The following ANKHD1 variants were observed in gnomAD, a reference collection of about 807,000 sequenced individuals.
ANKHD1 encodes the protein ankyrin repeat and KH domain-containing protein 1.
ANKHD1 carries 31 observed loss-of-function variants against 230.5 expected under a neutral mutation model. The observed-to-expected ratio is 0.13, with a 90% confidence interval of 0.10 to 0.18. ANKHD1 has a LOEUF of 0.18. Ranked by LOEUF, ANKHD1 falls within the 10% of genes least tolerant of loss-of-function variation. The pLI is 1.00. For missense variants in ANKHD1, 2,256 were observed against 3,071.3 expected (o/e 0.73, Z 6.27); for synonymous variants, 1,074 against 1,117.6 (o/e 0.96, Z 0.78).
rs186413383 is a variant in ANKHD1 at position 140,450,820 on chromosome 5, A to T, written c.1242+1515A>T. Among the ~76,000 whole-genome samples the T allele has an allele frequency of 1.1e-3, 174 of 152,040 alleles. 2 individuals are homozygous for T. Among genetic ancestry groups the T allele is most frequent in the African/African-American group, 3.9e-3 (163 of 41,480 alleles). ...TTTGTTGGAATTCCCCTCTTAATAT[A>T]TGTATGCAAGATATGTTAGCAGAAT... On this transcript the variant is annotated intron_variant, in intron 7 of 33. Coordinates refer to ENST00000360839, the MANE Select transcript of ANKHD1 (RefSeq NM_017747.3).
chr5:140,526,091 A>G lies in ANKHD1; in HGVS notation c.4588A>G (p.Lys1530Glu), dbSNP rs1402033489. 2.5e-6 allele frequency: 4 copies of G among 1,612,776 alleles called. No individual in the cohort carries two copies. Among genetic ancestry groups the G allele is most frequent in the Admixed American group, 1.7e-5 (1 of 59,638 alleles). ...TSATFTNVFG[K>E]KRANVVTTPS... ...TGCAACATTCACAAATGTGTTTGGG[A>G]AAAAAAGGGCCAATGTGGTGACAAC... Residue 1530 changes from lysine (K) to glutamate (E), a missense_variant, in exon 26 of 34, where the codon AAA becomes GAA. Physicochemically the swap from Lys to Glu is moderately conservative, Grantham distance 56 (BLOSUM62 1). Transcript: ENST00000360839.
In ANKHD1 at chr5:140,468,199, C is replaced by T. The variant is rs143060725; in HGVS notation, c.1782+3423C>T. Among the ~76,000 whole-genome samples the T allele has an allele frequency of 1.7e-3, 248 of 144,784 alleles. 4 individuals are homozygous for T. The East Asian group carries it at 0.025, about 15-fold the overall frequency. 95.0% of individuals were successfully genotyped at this position (144,784 alleles called of 152,430 possible). On this transcript the variant is annotated intron_variant, in intron 10 of 33. Transcript: ENST00000360839. ...AAATGATTCTCCTTCCTTAGCCTCC[C>T]GAGTAGCTAGAATTACAGGTATGTG...
At chr5:140,493,715 C>T (rs1751908022) in intron 14 of ANKHD1, among the ~76,000 whole-genome samples, 1 of 152,128 alleles carries the variant, frequency 6.6e-6, no homozygotes, top group Admixed American at 6.6e-5. Flanking sequence ...ACTTTTTATG[C>T]ATCATTTTTG....
intron 10 of ANKHD1, among the ~76,000 whole-genome samples, chr5:140,481,519 T>C (rs1319803819): frequency 6.6e-6 from 1 of 152,044 alleles, no homozygotes; most frequent in Non-Finnish European, 1.5e-5. Flanking sequence ...GGAATTCCTA[T>C]CACTTTTCTG....
At position 140,485,376 on chromosome 5, in the gene ANKHD1, A is replaced by C; in HGVS notation, c.1998+128A>C. 1 of 1,194,410 alleles carries C rather than the reference A, an allele frequency of 8.4e-7. No individual in the cohort carries two copies. The highest frequency in any genetic ancestry group is 1.1e-6 in the Non-Finnish European group (1 of 909,438). 74.0% of individuals were successfully genotyped at this position (1,194,410 alleles called of 1,614,324 possible). On this transcript the variant is annotated intron_variant, in intron 12 of 33. Transcript: ENST00000360839. This position sits in a 1 kb window ranked among gnomAD's most constrained non-coding sequence, Gnocchi z 4.8. ...GTTTGAGACTAGTCTAGGCAACATA[A>C]GGAGACCCCATCTCTATTAAAACAC...
rs543116925 is a variant in ANKHD1 at position 140,524,382 on chromosome 5, A to C, written c.4492+142A>C. 2.1e-5 allele frequency: 29 copies of C among 1,352,544 alleles called. No homozygotes were observed. The Admixed American group carries it at 6.6e-4, about 31-fold the overall frequency. The allele number at this position is 1,352,544 out of a possible 1,614,324, so 83.8% of individuals were successfully genotyped here. On this transcript the variant is annotated intron_variant, in intron 25 of 33. Coordinates refer to ENST00000360839, the MANE Select transcript of ANKHD1 (RefSeq NM_017747.3). ...AAATGGACAATGACTTTTATAGTAA[A>C]TATTTGTAAGTGTTTTGCATTGTAA... is the stretch of plus-strand genomic sequence containing the variant.
intron 14 of ANKHD1, among the ~76,000 whole-genome samples, chr5:140,495,079 G>A (rs1751965994): frequency 6.6e-6 from 1 of 151,950 alleles, no homozygotes; most frequent in South Asian, 2.1e-4. Context: ...AGCCACTACT[G>A]TCCCTGTCTC....
At chr5:140,533,786 A>C (rs1038118560) in intron 29 of ANKHD1, among the ~76,000 whole-genome samples, 1 of 150,888 alleles carries the variant, frequency 6.6e-6, no homozygotes, top group Non-Finnish European at 1.5e-5. Flanking sequence ...AAAAAAAAAA[A>C]AAAAAAAAAA....
At chr5:140,410,241 G>A (rs903917567) in intron 1 of ANKHD1, among the ~76,000 whole-genome samples, 2 of 152,032 alleles carry the variant, frequency 1.3e-5, no homozygotes, top group African/African-American at 4.8e-5. Flanking sequence ...TACACAGATG[G>A]TAAGATGCTA....
Position 140,536,795 on chromosome 5 carries a change from G to A in ANKHD1, c.7028-594G>A, listed in dbSNP as rs182996221. On this transcript the variant is annotated intron_variant, in intron 30 of 33. Coordinates refer to ENST00000360839, the MANE Select transcript of ANKHD1 (RefSeq NM_017747.3). Reference sequence around the variant, plus strand: ...TCCCAGCACTTTGGGAGGCTGAGACGGGCAGATCACCTGAGGTTGGGAGTT... The same window carrying A: ...TCCCAGCACTTTGGGAGGCTGAGACAGGCAGATCACCTGAGGTTGGGAGTT... 1.2e-4 allele frequency among the ~76,000 whole-genome samples: 19 copies of A among 152,188 alleles called. No homozygotes were observed. The East Asian group carries it at 3.1e-3, about 25-fold the overall frequency.
intron 15 of ANKHD1, among the ~76,000 whole-genome samples, chr5:140,498,674 C>G (rs1479011751): frequency 1.3e-5 from 2 of 152,104 alleles, no homozygotes; most frequent in East Asian, 3.9e-4. Flanking sequence ...TAATTTTAAT[C>G]TGGGTAAAAA....
At chr5:140,472,566 C>T (rs1394317025) in intron 10 of ANKHD1, 1 of 734,694 alleles carries the variant, frequency 1.4e-6, no homozygotes, top group Non-Finnish European at 1.8e-6. Flanking sequence ...AGTTCTTTTA[C>T]ATTCTCCTTT....
chr5:140,458,966 ATATATATATATATG>A, intron 8 of ANKHD1, 104 bp downstream of exon 8: 1 of 24,276 alleles, frequency 4.1e-5, no homozygotes, highest in East Asian at 1.3e-3. Context: ...ATATATATAT[ATATATATATATATG>A]CATATATATA....
chr5:140,474,636 G>A (rs368726593), intron 10 of ANKHD1, among the ~76,000 whole-genome samples: 37 of 125,892 alleles, frequency 2.9e-4, no homozygotes, highest in African/African-American at 1.0e-3. Flanking sequence ...TCACTTTGTC[G>A]CTCAGGCTAG....
Position 140,436,107 on chromosome 5 carries a change from G to C in ANKHD1, c.310G>C (p.Glu104Gln), listed in dbSNP as rs1483715334. 1 of 1,556,658 alleles carries C rather than the reference G, an allele frequency of 6.4e-7. No homozygotes were observed. The highest frequency in any genetic ancestry group is 1.4e-5 in the African/African-American group (1 of 71,814). The change falls in exon 2 of 34, where the codon GAA becomes CAA. Residue 104 changes from glutamate to glutamine, a missense_variant. Around this residue, in one of 13 missense-constraint regions of ANKHD1, gnomAD observed 193 missense variants for 185.8 expected, o/e 1.04. Transcript: ENST00000360839. ...TGCATCTTTATTTCATTAACAGGTT[G>C]AATCATTTATTTTGGACCAAGAAGA... ...GSDEDEVSEV[E>Q]SFILDQEDLD...
intron 24 of ANKHD1, among the ~76,000 whole-genome samples, chr5:140,518,058 GAAAA>G (rs971932155): frequency 6.6e-6 from 1 of 151,748 alleles, no homozygotes; most frequent in Non-Finnish European, 1.5e-5. Context: ...GACTAATAAA[GAAAA>G]AAAGAAGAAT....
At position 140,529,225 on chromosome 5, in the gene ANKHD1, A is replaced by T. The variant is rs776969124; in HGVS notation, c.6279A>T (p.Ser2093=). The T allele has an allele frequency of 6.2e-7, 1 of 1,614,072 alleles. No homozygotes were observed. Among genetic ancestry groups the T allele is most frequent in the East Asian group, 2.2e-5 (1 of 44,894 alleles). ...GTGTGTCTGATTTAAGTCCTATGTC[A>T]ATGCCTTTTGCATCTAACTCAGAAC... ...PSSVSDLSPM[S]MPFASNSEPA... is the part of the protein sequence containing the mutation. Residue 2093 remains serine (S), a synonymous_variant, in exon 29 of 34, where the codon TCA becomes TCT. Transcript: ENST00000360839.
At chr5:140,488,623 C>T (rs868508977) in intron 14 of ANKHD1, among the ~76,000 whole-genome samples, 32 of 149,830 alleles carry the variant, frequency 2.1e-4, no homozygotes, top group Middle Eastern at 3.5e-3. Flanking sequence ...ATATAGGCCA[C>T]GTGTGGTGGC....
chr5:140,524,183 C>A lies in ANKHD1; in HGVS notation c.4435C>A (p.Pro1479Thr), dbSNP rs767112889. 6.3e-7 allele frequency: 1 copy of A among 1,598,014 alleles called. No individual in the cohort carries two copies. The highest frequency in any genetic ancestry group is 1.2e-5 in the South Asian group (1 of 86,320). ...ACAGGAAGAAGATGAAGAAAACAAACCTAAGGAGAATTCGGAACTACCAGA... is the reference window on the plus strand; with the variant it reads ...ACAGGAAGAAGATGAAGAAAACAAAACTAAGGAGAATTCGGAACTACCAGA... ...RKQEEDEENK[P>T]KENSELPEDE... Residue 1479 changes from proline (P) to threonine (T), a missense_variant, in exon 25 of 34, where the codon CCT becomes ACT. Pro to Thr is a conservative substitution (Grantham distance 38). Coordinates refer to ENST00000360839, the MANE Select transcript of ANKHD1 (RefSeq NM_017747.3).
Sources: allele counts gnomAD v4.1 joint callset (sites outside exome capture counted in the v4.1 genomes callset), GRCh38; gene constraint gnomAD v4.1.1; regional missense constraint gnomAD v4.1.1; non-coding constraint Gnocchi (gnomAD v3.1); transcripts MANE v1.5; gene names NCBI Gene and HGNC (gene_info 2026-07-23, HGNC 2026-07-21).